The following TSPAN2 variants were observed in gnomAD, a reference collection of about 807,000 sequenced individuals.
The protein encoded by TSPAN2 is tetraspanin 2, also known as tetraspanin-2.
A neutral mutation model predicts 33.3 loss-of-function variants in TSPAN2; 24 were observed. That is an observed-to-expected ratio of 0.72 (90% CI 0.52 to 1.01). TSPAN2 has a LOEUF of 1.01. Among genes scored for constraint, TSPAN2 ranks in the 50% least tolerant of loss-of-function variants. The probability of loss-of-function intolerance (pLI) is 0.00; values close to 1 mark genes in which losing one functional copy is unlikely to be tolerated. For synonymous variants in TSPAN2, 114 were observed against 104.5 expected, an observed-to-expected ratio of 1.09 and a Z score of -0.56; for missense variants, 278 against 281.3, an observed-to-expected ratio of 0.99 and a Z score of 0.08.
intron 2 of TSPAN2, among the ~76,000 whole-genome samples, chr1:115,067,652 G>T (rs1253745699): frequency 6.6e-6 from 1 of 151,950 alleles, no homozygotes; most frequent in African/African-American, 2.4e-5. Flanking sequence ...ATAACATCCA[G>T]CCACAATCAG....
intron 1 of TSPAN2, among the ~76,000 whole-genome samples, chr1:115,082,589 T>C (rs1455293509): frequency 6.6e-6 from 1 of 152,240 alleles, no homozygotes; most frequent in Non-Finnish European, 1.5e-5. Flanking sequence ...TCTCTTGATA[T>C]ATACCCTTTC....
intron 1 of TSPAN2, among the ~76,000 whole-genome samples, chr1:115,081,813 G>A (rs891060845): frequency 3.0e-4 from 46 of 152,256 alleles, no homozygotes; most frequent in African/African-American, 9.4e-4. Flanking sequence ...AGGAAACATC[G>A]CTCCCATGGT....
chr1:115,080,780 C>A (rs1268178901), intron 1 of TSPAN2, among the ~76,000 whole-genome samples: 1 of 152,170 alleles, frequency 6.6e-6, no homozygotes, highest in African/African-American at 2.4e-5. Flanking sequence ...AAAAAATGGT[C>A]TTTTCTAGGT....
chr1:115,084,312 G>T (rs888784184), intron 1 of TSPAN2, among the ~76,000 whole-genome samples: 3 of 152,170 alleles, frequency 2.0e-5, no homozygotes, highest in African/African-American at 7.2e-5. Flanking sequence ...GAAAATGGAG[G>T]CTCAAAGAGG....
At chr1:115,077,010 T>G (rs1411814622) in intron 1 of TSPAN2, among the ~76,000 whole-genome samples, 1 of 151,436 alleles carries the variant, frequency 6.6e-6, no homozygotes, top group Non-Finnish European at 1.5e-5. Flanking sequence ...AGCCTCAACT[T>G]CCCGGGCTCT....
chr1:115,080,502 C>T (rs143946349), intron 1 of TSPAN2, among the ~76,000 whole-genome samples: 6 of 152,214 alleles, frequency 3.9e-5, no homozygotes, highest in Admixed American at 1.3e-4. Context: ...CTTGAACTCC[C>T]GGGCACAAGT....
intron 2 of TSPAN2, among the ~76,000 whole-genome samples, chr1:115,065,953 A>G (rs564598568): frequency 8.5e-5 from 13 of 152,246 alleles, no homozygotes; most frequent in Admixed American, 6.5e-4. Context: ...CTCGGCCTCC[A>G]TGAGATCCAC....
intron 1 of TSPAN2, among the ~76,000 whole-genome samples, chr1:115,082,089 T>A (rs1415889624): frequency 6.6e-6 from 1 of 152,268 alleles, no homozygotes; most frequent in Non-Finnish European, 1.5e-5. Flanking sequence ...ATGATGTAAA[T>A]GTCCTATATC....
intron 1 of TSPAN2, among the ~76,000 whole-genome samples, chr1:115,074,009 A>G (rs1353594186): frequency 6.6e-6 from 1 of 152,208 alleles, no homozygotes; most frequent in Non-Finnish European, 1.5e-5. Context: ...TTCTGGGCCC[A>G]GGGCACCATG....
At chr1:115,050,940 A>T (rs1675296748) in intron 7 of TSPAN2, among the ~76,000 whole-genome samples, 1 of 152,184 alleles carries the variant, frequency 6.6e-6, no homozygotes, top group Admixed American at 6.5e-5. Context: ...CTTGTTGTTT[A>T]GATATGCTTG....
intron 2 of TSPAN2, among the ~76,000 whole-genome samples, chr1:115,062,573 C>CA (rs1647778981): frequency 6.6e-6 from 1 of 152,162 alleles, no homozygotes; most frequent in African/African-American, 2.4e-5. Context: ...ACAGTTCTTA[C>CA]AGAGAAAGAA....
chr1:115,049,204 C>T lies in TSPAN2; in HGVS notation c.*1286G>A, dbSNP rs1489073829. 6.6e-6 allele frequency: 1 copy of T among 152,012 alleles called. No homozygotes were observed. Among genetic ancestry groups the T allele is most frequent in the Non-Finnish European group, 1.5e-5 (1 of 67,958 alleles). 9.4% of individuals were successfully genotyped at this position (152,012 alleles called of 1,614,324 possible). On this transcript the variant is annotated 3_prime_UTR_variant, in exon 8 of 8. Coordinates refer to ENST00000369516, the MANE Select transcript of TSPAN2 (RefSeq NM_005725.6). ...TTGGGTTTACTAAGTTAAAATGAAG[C>T]GTTAAGACCAAAAAAACATTGAAAA...
rs567673746 is a variant in TSPAN2 at position 115,050,296 on chromosome 1, A to C, written c.*194T>G. 24 of 631,294 alleles carry C rather than the reference A, an allele frequency of 3.8e-5. No homozygotes were observed. The highest frequency in any genetic ancestry group is 6.8e-5 in the Non-Finnish European group (24 of 354,920). 39.1% of individuals were successfully genotyped at this position (631,294 alleles called of 1,614,324 possible). ...GCAGATCACACATGAATATGCTCTC[A>C]GTCATCATAAACAGGCATTCACTCA... On this transcript the variant is annotated 3_prime_UTR_variant, in exon 8 of 8. Transcript: ENST00000369516.
intron 1 of TSPAN2, among the ~76,000 whole-genome samples, chr1:115,073,545 C>A (rs1648276964): frequency 7.0e-6 from 1 of 143,624 alleles, no homozygotes; most frequent in Non-Finnish European, 1.5e-5. Flanking sequence ...AGTGCACAGT[C>A]CCCAAATAGA....
chr1:115,076,927 CTTT>C (rs564428993), intron 1 of TSPAN2, among the ~76,000 whole-genome samples: 2 of 144,316 alleles, frequency 1.4e-5, no homozygotes, highest in African/African-American at 5.1e-5. Context: ...TCCTCCCTCC[CTTT>C]TTTTTTTTTT....
At chr1:115,082,252 A>G (rs974736795) in intron 1 of TSPAN2, among the ~76,000 whole-genome samples, 2 of 152,226 alleles carry the variant, frequency 1.3e-5, no homozygotes, top group African/African-American at 2.4e-5. Context: ...CGCATTGGAC[A>G]GTGCAGGTCT....
chr1:115,055,680 C>A (rs190255537), intron 6 of TSPAN2, among the ~76,000 whole-genome samples: 1 of 152,050 alleles, frequency 6.6e-6, no homozygotes, highest in East Asian at 1.9e-4. Context: ...CATGCCACCA[C>A]GCCTGGCTAA....
At chr1:115,088,530 T>C in intron 1 of TSPAN2, among the ~76,000 whole-genome samples, 1 of 152,142 alleles carries the variant, frequency 6.6e-6, no homozygotes, top group Non-Finnish European at 1.5e-5. Context: ...GTAGGTCTGG[T>C]CTAGCTGTAT....
At chr1:115,070,351 G>A (rs60692723) in intron 2 of TSPAN2, among the ~76,000 whole-genome samples, 4,749 of 149,544 alleles carry the variant, frequency 0.032, 242 homozygotes, top group African/African-American at 0.11. Context: ...TAATTTGTCC[G>A]GCCTGATTAT....
Sources: allele counts gnomAD v4.1 joint callset (sites outside exome capture counted in the v4.1 genomes callset), GRCh38; gene constraint gnomAD v4.1.1; transcripts MANE v1.5; gene names NCBI Gene and HGNC (gene_info 2026-07-23, HGNC 2026-07-21).